TMF1: variants seen among roughly 807,000 people sequenced by gnomAD.
TMF1 encodes the protein TATA element modulatory factor 1.
TMF1 carries 71 observed loss-of-function variants against 126.5 expected under a neutral mutation model. The observed-to-expected ratio is 0.56, with a 90% CI of 0.46 to 0.68. The LOEUF (loss-of-function observed/expected upper bound fraction) is 0.68, where lower values mean the gene tolerates loss of function less well. Among genes scored for constraint, TMF1 ranks in the 30% least tolerant of loss-of-function variants. TMF1 has a pLI of 0.00. For synonymous variants in TMF1, 461 were observed against 430.5 expected (o/e 1.07, Z -0.88); for missense variants, 1,259 against 1,253.2 (o/e 1.00, Z -0.07).
In TMF1 at chr3:69,048,295, A is replaced by C. The variant is rs1427317498; in HGVS notation, c.410T>G (p.Leu137Trp). 1 of 1,614,216 alleles carries C rather than the reference A, an allele frequency of 6.2e-7. No homozygotes were observed. The change falls in exon 2 of 17, where the codon TTG becomes TGG. Residue 137 changes from leucine to tryptophan, a missense_variant. Coordinates refer to ENST00000398559, the MANE Select transcript of TMF1 (RefSeq NM_007114.3). ...EEVKSSLHES[L>W]HIGQSRTPET... ...AGGAGTTCTTGACTGGCCAATGTGC[A>C]AGGATTCATGTAAGCTGCTTTTCAC...
Position 69,025,625 on chromosome 3 carries a change from A to C in TMF1, c.2947T>G (p.Ser983Ala), listed in dbSNP as rs1206731307. 6.2e-7 allele frequency: 1 copy of C among 1,614,050 alleles called. No homozygotes were observed. The highest frequency in any genetic ancestry group is 1.1e-5 in the South Asian group (1 of 91,076). The change falls in exon 15 of 17, where the codon TCA (serine) becomes GCA (alanine). Residue 983 changes from serine (S) to alanine (A), a missense_variant. By Grantham distance (99) the Ser-to-Ala change is moderately conservative. Coordinates refer to ENST00000398559, the MANE Select transcript of TMF1 (RefSeq NM_007114.3). ...GACTGTAGGTTTTCAATTATGCTTG[A>C]TCCTGCTCCCATCCTTACAGCATCA... is the stretch of plus-strand genomic sequence containing the variant. ...LYDAVRMGAGSSIIENLQSQL... is the reference protein window; with the variant it reads ...LYDAVRMGAGASIIENLQSQL...
chr3:69,033,565 T>C lies in TMF1; in HGVS notation c.2384A>G (p.Asn795Ser), dbSNP rs532404495. The part of the protein sequence containing the change: ...QTSSWEKLEK[N>S]LSDRLGESQT... The stretch of plus-strand genomic sequence containing the variant: ...GCAGTTACCAAGCCTATCAGAAAGA[T>C]TCTTCTCTAATTTCTCCCACGACGA... The change falls in exon 10 of 17, where the codon AAT (asparagine) becomes AGT (serine). Residue 795 changes from asparagine (N) to serine (S), a missense_variant. By Grantham distance (46) the Asn-to-Ser change is conservative. Coordinates refer to ENST00000398559, the MANE Select transcript of TMF1 (RefSeq NM_007114.3). 1 of 1,613,072 alleles carries C rather than the reference T, an allele frequency of 6.2e-7. No individual in the cohort carries two copies.
At position 69,029,165 on chromosome 3, in the gene TMF1, C is replaced by T. The variant is rs374456194; in HGVS notation, c.2594+650G>A. ...TCTCCTGCCTCAGCCTCCCGAGTAG[C>T]TGGAATTACAGGCGTCTGCCACCAT... On this transcript the variant is annotated intron_variant, in intron 11 of 16. Coordinates refer to ENST00000398559, the MANE Select transcript of TMF1 (RefSeq NM_007114.3). 3.3e-5 allele frequency among the ~76,000 whole-genome samples: 5 copies of T among 152,016 alleles called. No individual in the cohort carries two copies. The East Asian group carries it at 9.7e-4, about 30-fold the overall frequency.
chr3:69,048,061 G>A lies in TMF1; in HGVS notation c.644C>T (p.Thr215Met), dbSNP rs1391983166. 18 of 1,613,944 alleles carry A rather than the reference G, an allele frequency of 1.1e-5. No homozygotes were observed. Among genetic ancestry groups the A allele is most frequent in the Admixed American group, 5.0e-5 (3 of 60,000 alleles). ...TTMESISNTS[T>M]QSLTAETKDI... ...CTTTGTTTCTGCTGTGAGAGACTGC[G>A]TAGACGTATTAGATATACTTTCCAT... The change falls in exon 2 of 17, where the codon ACG (threonine) becomes ATG (methionine). Residue 215 changes from threonine to methionine, a missense_variant. Transcript: ENST00000398559.
rs146941144 is a variant in TMF1, at chr3:69,037,683, G to A, written c.2151+881C>T. Among the ~76,000 whole-genome samples the A allele has an allele frequency of 8.2e-3, 1,242 of 152,210 alleles. 15 individuals carry two copies. The highest frequency in any genetic ancestry group is 0.028 in the African/African-American group (1,179 of 41,532). On this transcript the variant is annotated intron_variant, in intron 8 of 16. Coordinates refer to ENST00000398559, the MANE Select transcript of TMF1 (RefSeq NM_007114.3). ...TAGCCAGGCATGGTAGCACCTGCCT[G>A]TAGTCCCAGCTACTCAGGAGGCTGA...
chr3:69,037,586 G>C (rs901866471), intron 8 of TMF1, among the ~76,000 whole-genome samples: 1 of 152,174 alleles, frequency 6.6e-6, no homozygotes, highest in Non-Finnish European at 1.5e-5. Flanking sequence ...AGGTTGCAAT[G>C]AGCCGAGATT....
chr3:69,021,403 A>G lies in TMF1; in HGVS notation c.*1774T>C, dbSNP rs1415325495. 1 of 152,572 alleles carries G rather than the reference A, an allele frequency of 6.6e-6. No homozygotes were observed. Among genetic ancestry groups the G allele is most frequent in the Non-Finnish European group, 1.5e-5 (1 of 68,022 alleles). 9.5% of individuals were successfully genotyped at this position (152,572 alleles called of 1,614,324 possible). ...TCCTGTCATTCTGCCCTTGAATATT[A>G]CACACACAAAAAAATCAAGCTGACA... On this transcript the variant is annotated 3_prime_UTR_variant, in exon 17 of 17. Transcript: ENST00000398559.
At chr3:69,039,104 T>C (rs753701504) in intron 6 of TMF1, 95 bp from the exon 7 acceptor site, 2 of 1,052,036 alleles carry the variant, frequency 1.9e-6, no homozygotes, top group Non-Finnish European at 1.3e-6. Flanking sequence ...GAGAAAAATA[T>C]ATATTTTTTT....
At chr3:69,029,124 C>A (rs1476126622) in intron 11 of TMF1, among the ~76,000 whole-genome samples, 2 of 151,740 alleles carry the variant, frequency 1.3e-5, no homozygotes, top group Non-Finnish European at 2.9e-5. Flanking sequence ...ACCTCTGCCT[C>A]CCAGGTTCAA....
rs760996031 is a variant in TMF1 at position 69,047,574 on chromosome 3, A to C, written c.1131T>G (p.Ser377=). ...SKTVESAEGK[S]EEVNETLVIP... ...TAACTAATGTTTCATTTACTTCTTC[A>C]GATTTTCCTTCAGCAGATTCAACTG... Residue 377 remains serine (S), a synonymous_variant, in exon 2 of 17, where the codon TCT becomes TCG. Coordinates refer to ENST00000398559, the MANE Select transcript of TMF1 (RefSeq NM_007114.3). 1.2e-6 allele frequency: 2 copies of C among 1,614,138 alleles called. No homozygotes were observed. Among genetic ancestry groups the C allele is most frequent in the Non-Finnish European group, 1.7e-6 (2 of 1,180,030 alleles).
In TMF1 at chr3:69,048,394, G is replaced by C; in HGVS notation, c.311C>G (p.Thr104Ser). 1 of 1,614,146 alleles carries C rather than the reference G, an allele frequency of 6.2e-7. No individual in the cohort carries two copies. ...ACTCTTCTGAATGGTCTGGACATCA[G>C]TTGGCGAGAGAAAGGCACTGAAGAA... The part of the protein sequence containing the change: ...ENFFSAFLSP[T>S]DVQTIQKSPV... Residue 104 changes from threonine (T) to serine (S), a missense_variant, in exon 2 of 17, where the codon ACT (threonine) becomes AGT (serine). Physicochemically the swap from Thr to Ser is moderately conservative, Grantham distance 58. Coordinates refer to ENST00000398559, the MANE Select transcript of TMF1 (RefSeq NM_007114.3).
rs146066743 is a variant in TMF1 at position 69,031,910 on chromosome 3, CTAAA to C, written c.2401+1634_2401+1637del. On this transcript the variant is annotated intron_variant, in intron 10 of 16. Coordinates refer to ENST00000398559, the MANE Select transcript of TMF1 (RefSeq NM_007114.3). ...ACCAGTTTCTAGCATTCATTTATTG[CTAAA>C]TATTTATTTCAAAAGATATCATTTT... is the stretch of plus-strand genomic sequence containing the variant. 4.4e-3 allele frequency among the ~76,000 whole-genome samples: 676 copies of C among 152,248 alleles called. 3 individuals are homozygous for C. The highest frequency in any genetic ancestry group is 0.016 in the African/African-American group (646 of 41,546).
chr3:69,031,589 T>C (rs1332654355), intron 10 of TMF1, among the ~76,000 whole-genome samples: 1 of 152,216 alleles, frequency 6.6e-6, no homozygotes, highest in Non-Finnish European at 1.5e-5. Flanking sequence ...CCTTTCTATA[T>C]TATTTCTTAT....
intron 1 of TMF1, among the ~76,000 whole-genome samples, chr3:69,051,483 C>T (rs1166219409): frequency 6.6e-6 from 1 of 152,162 alleles, no homozygotes; most frequent in African/African-American, 2.4e-5. Flanking sequence ...TCAACAACAA[C>T]ATAAAACCAC....
chr3:69,051,959 G>T lies in TMF1; in HGVS notation c.128C>A (p.Pro43Gln), dbSNP rs1489088364. 35 of 1,613,388 alleles carry T rather than the reference G, an allele frequency of 2.2e-5. No homozygotes were observed. The highest frequency in any genetic ancestry group is 2.9e-5 in the Non-Finnish European group (34 of 1,179,664). ...CTCTCTCTTACCCGGCTCTCCATAC[G>T]GAATGGTCTCGGCCCAGATGCTCGG... Reference protein sequence around the residue: ...EEPSIWAETIPYGEPGISSPV... With the variant: ...EEPSIWAETIQYGEPGISSPV... The change falls in exon 1 of 17, where the codon CCG becomes CAG. Residue 43 changes from proline (P) to glutamine (Q), a missense_variant. Coordinates refer to ENST00000398559, the MANE Select transcript of TMF1 (RefSeq NM_007114.3).
intron 9 of TMF1, 54 bp downstream of exon 9, chr3:69,034,969 T>C (rs1221313535): frequency 1.1e-5 from 16 of 1,480,508 alleles, no homozygotes; most frequent in Non-Finnish European, 1.5e-5. Context: ...ATTCTTTTAT[T>C]TCTAGAAAAA....
At position 69,024,168 on chromosome 3, in the gene TMF1, T is replaced by C. The variant is rs780260921; in HGVS notation, c.3025A>G (p.Asn1009Asp). Residue 1009 changes from asparagine to aspartate, a missense_variant, in exon 16 of 17, where the codon AAT becomes GAT. Coordinates refer to ENST00000398559, the MANE Select transcript of TMF1 (RefSeq NM_007114.3). ...ATTATTGATCGAGTTTTTTCTAGATTGCCAATTTCTAGCTGAGAAGCATTA... is the reference window on the plus strand; with the variant it reads ...ATTATTGATCGAGTTTTTTCTAGATCGCCAATTTCTAGCTGAGAAGCATTA... ...EITHLQLEIGNLEKTRSIMAE... is the reference protein window; with the variant it reads ...EITHLQLEIGDLEKTRSIMAE... The C allele has an allele frequency of 1.2e-6, 2 of 1,605,058 alleles. No homozygotes were observed. Among genetic ancestry groups the C allele is most frequent in the Non-Finnish European group, 1.7e-6 (2 of 1,176,858 alleles).
intron 13 of TMF1, among the ~76,000 whole-genome samples, chr3:69,026,508 G>A (rs1257837325): frequency 4.6e-5 from 7 of 152,164 alleles, no homozygotes; most frequent in Non-Finnish European, 1.0e-4. Flanking sequence ...AGGCAGAATC[G>A]CTTGAACCTG....
In TMF1 at chr3:69,038,856, C is replaced by T. The variant is rs916653670; in HGVS notation, c.1981G>A (p.Asp661Asn). Reference protein sequence around the residue: ...EKNRSIQAALDSAYKELTDLH... With the variant: ...EKNRSIQAALNSAYKELTDLH... ...TCATTTTCTTACTTGTATGCACTATCCAGGGCAGCCTGAATACTTCGGTTC... is the reference window on the plus strand; with the variant it reads ...TCATTTTCTTACTTGTATGCACTATTCAGGGCAGCCTGAATACTTCGGTTC... The change falls in exon 7 of 17, where the codon GAT becomes AAT. Residue 661 changes from aspartate to asparagine, a missense_variant. By Grantham distance (23) the Asp-to-Asn change is conservative (BLOSUM62 1). Transcript: ENST00000398559. 1 of 1,607,586 alleles carries T rather than the reference C, an allele frequency of 6.2e-7. No individual in the cohort carries two copies. The highest frequency in any genetic ancestry group is 8.5e-7 in the Non-Finnish European group (1 of 1,177,784).
Sources: gnomAD v4.1 joint callset for allele counts (sites outside exome capture counted in the v4.1 genomes callset) on GRCh38, gnomAD v4.1.1 for gene constraint, MANE v1.5 for transcripts, NCBI Gene and HGNC (gene_info 2026-07-23, HGNC 2026-07-21) for gene names.